The following ARHGAP44 variants were observed in gnomAD, a reference collection of about 807,000 sequenced individuals.
ARHGAP44 encodes Rho GTPase activating protein 44.
In ARHGAP44, 43 loss-of-function variants were observed where a neutral mutation model predicts 106.8. That is an observed-to-expected ratio of 0.40 (90% CI 0.32 to 0.52). ARHGAP44 has a LOEUF of 0.52. ARHGAP44 is among the 20% of genes least tolerant of loss of function. The pLI is 0.48. For missense variants in ARHGAP44, 866 were observed against 1,050.5 expected, an observed-to-expected ratio of 0.82 and a Z score of 2.43; for synonymous variants, 439 against 410.3, an observed-to-expected ratio of 1.07 and a Z score of -0.85.
chr17:12,851,592 G>A (rs552004817), intron 1 of ARHGAP44, among the ~76,000 whole-genome samples: 7 of 152,002 alleles, frequency 4.6e-5, no homozygotes, highest in African/African-American at 1.7e-4. Context: ...GCGCCACCAC[G>A]CCCAGCTAAG....
chr17:12,891,008 C>T lies in ARHGAP44; in HGVS notation c.54-3932C>T, dbSNP rs547910401. ...CTTCAGTTTCTAATAAGATATTTTT[C>T]ATTCTCATGTAAGACCTCATCAGAG... On this transcript the variant is annotated intron_variant, in intron 1 of 20. Transcript: ENST00000379672. Among the ~76,000 whole-genome samples the T allele has an allele frequency of 5.3e-5, 8 of 152,280 alleles. No homozygotes were observed. The East Asian group carries it at 1.5e-3, about 29-fold the overall frequency.
intron 1 of ARHGAP44, among the ~76,000 whole-genome samples, chr17:12,893,174 G>C (rs1384375607): frequency 6.6e-6 from 1 of 152,016 alleles, no homozygotes; most frequent in African/African-American, 2.4e-5. Flanking sequence ...TTCCCCACTT[G>C]GCTGGCCTTC....
chr17:12,953,531 A>G (rs1168203902), intron 13 of ARHGAP44, among the ~76,000 whole-genome samples: 2 of 152,194 alleles, frequency 1.3e-5, no homozygotes, highest in Non-Finnish European at 2.9e-5. Flanking sequence ...CTGGGTATGT[A>G]CCTAAAAGAA....
At chr17:12,960,993 T>C (rs12451993) in intron 16 of ARHGAP44, among the ~76,000 whole-genome samples, 8,085 of 152,288 alleles carry the variant, frequency 0.053, 783 homozygotes, top group East Asian at 0.48. Flanking sequence ...GTGAAATCTC[T>C]GTAAGCTGAA....
In ARHGAP44 at chr17:12,915,903, G is replaced by T. The variant is rs756029615; in HGVS notation, c.279G>T (p.Lys93Asn). The change falls in exon 5 of 21, where the codon AAG becomes AAT. Residue 93 changes from lysine (K) to asparagine (N), a missense_variant. By Grantham distance (94) the Lys-to-Asn change is moderately conservative (BLOSUM62 0). This residue lies in a region of ARHGAP44 where 448 missense variants were observed against 646.9 expected (regional missense o/e 0.69). Transcript: ENST00000379672. The part of the protein sequence containing the change: ...AILGDDTLLG[K>N]MLKLCGETED... ...TTCTTTCCCCCTTGGATTACAGGAA[G>T]ATGCTGAAACTCTGTGGAGAGACGG... 1.7e-5 allele frequency: 28 copies of T among 1,613,424 alleles called. No individual in the cohort carries two copies. The highest frequency in any genetic ancestry group is 2.4e-5 in the Non-Finnish European group (28 of 1,179,638).
chr17:12,819,136 T>A (rs1454485118), intron 1 of ARHGAP44, among the ~76,000 whole-genome samples: 1 of 152,092 alleles, frequency 6.6e-6, no homozygotes, highest in African/African-American at 2.4e-5. Flanking sequence ...ATCAATTGAT[T>A]TTGAACAAAG....
rs190241323 is a variant in ARHGAP44 at position 12,820,607 on chromosome 17, T to G, written c.53+30716T>G. The stretch of plus-strand genomic sequence containing the variant: ...TGTCCTTGAGGAACATGTGGGTGAG[T>G]GAGAGATAGACCATATAGTAAGTCT... On this transcript the variant is annotated intron_variant, in intron 1 of 20. Transcript: ENST00000379672. Among the ~76,000 whole-genome samples, 40 of 152,068 alleles carry G rather than the reference T, an allele frequency of 2.6e-4. No homozygotes were observed. The East Asian group carries it at 7.2e-3, about 27-fold the overall frequency.
At chr17:12,948,723 T>TACACACACACACACACACACAC (rs71369353) in intron 10 of ARHGAP44, among the ~76,000 whole-genome samples, 5 of 29,366 alleles carry the variant, frequency 1.7e-4, no homozygotes, top group East Asian at 1.2e-3. Flanking sequence ...CCAACACACA[T>TACACACACACACACACACACAC]ACACACACAC....
intron 3 of ARHGAP44, among the ~76,000 whole-genome samples, chr17:12,902,088 C>T (rs963128409): frequency 2.0e-5 from 3 of 152,182 alleles, no homozygotes; most frequent in Non-Finnish European, 1.5e-5. Context: ...CACTCTCCTG[C>T]CTAATCCTGC....
chr17:12,842,586 A>G (rs1023518968), intron 1 of ARHGAP44, among the ~76,000 whole-genome samples: 1 of 152,152 alleles, frequency 6.6e-6, no homozygotes, highest in Non-Finnish European at 1.5e-5. Flanking sequence ...GTGATTCAGT[A>G]GGTCTGGAGT....
chr17:12,820,775 A>AGATTTTATGTTATCCCAGTGT (rs2034746493), intron 1 of ARHGAP44, among the ~76,000 whole-genome samples: 1 of 152,116 alleles, frequency 6.6e-6, no homozygotes, highest in Non-Finnish European at 1.5e-5. Context: ...TGAATGATAG[A>AGATTTTATGTTATCCCAGTGT]GATTTTATGT....
intron 15 of ARHGAP44, among the ~76,000 whole-genome samples, chr17:12,957,088 A>T (rs1163106598): frequency 6.6e-6 from 1 of 152,066 alleles, no homozygotes; most frequent in African/African-American, 2.4e-5. Flanking sequence ...CCCACTGAGT[A>T]GCTGGGATTA....
At chr17:12,988,107 T>C (rs1489629679) in intron 20 of ARHGAP44, 1 of 152,212 alleles carries the variant, frequency 6.6e-6, no homozygotes, top group Non-Finnish European at 1.5e-5. Flanking sequence ...GTGTCCCTTT[T>C]CCCAGGAATG....
intron 1 of ARHGAP44, among the ~76,000 whole-genome samples, chr17:12,869,388 A>G (rs1004732823): frequency 7.2e-6 from 1 of 138,464 alleles, no homozygotes; most frequent in Non-Finnish European, 1.7e-5. Context: ...AATTTATAAC[A>G]TGTGGTATAC....
chr17:12,886,635 A>T (rs986883580), intron 1 of ARHGAP44, among the ~76,000 whole-genome samples: 1 of 151,976 alleles, frequency 6.6e-6, no homozygotes. Flanking sequence ...TTATTTTTGT[A>T]TGTTTATCTC....
chr17:12,858,371 A>C (rs905228463), intron 1 of ARHGAP44, among the ~76,000 whole-genome samples: 1 of 152,218 alleles, frequency 6.6e-6, no homozygotes, highest in Admixed American at 6.5e-5. Flanking sequence ...GAAAGTCTGC[A>C]GATTACTGGC....
At chr17:12,959,447 A>G (rs1344227139) in intron 16 of ARHGAP44, among the ~76,000 whole-genome samples, 1 of 152,206 alleles carries the variant, frequency 6.6e-6, no homozygotes, top group Non-Finnish European at 1.5e-5. Context: ...TGCAGTTATT[A>G]AGAGGCTTGT....
chr17:12,948,860 G>A (rs1292430957), intron 10 of ARHGAP44, among the ~76,000 whole-genome samples: 1 of 152,032 alleles, frequency 6.6e-6, no homozygotes, highest in Non-Finnish European at 1.5e-5. Flanking sequence ...AAGTGCCCAA[G>A]ATTCATTTAT....
intron 16 of ARHGAP44, among the ~76,000 whole-genome samples, chr17:12,966,315 A>G (rs56011081): frequency 6.6e-6 from 1 of 152,108 alleles, no homozygotes; most frequent in Non-Finnish European, 1.5e-5. Flanking sequence ...GGTTGTCTAC[A>G]TGGAGAGGGA....
Sources: allele counts gnomAD v4.1 joint callset (sites outside exome capture counted in the v4.1 genomes callset), GRCh38; gene constraint gnomAD v4.1.1; regional missense constraint gnomAD v4.1.1; transcripts MANE v1.5; gene names NCBI Gene and HGNC (gene_info 2026-07-23, HGNC 2026-07-21).